DCDC2: variants seen among roughly 807,000 people sequenced by gnomAD.
DCDC2 encodes the protein doublecortin domain-containing protein 2.
In DCDC2, 40 loss-of-function variants were observed where a neutral mutation model predicts 50.2. The observed-to-expected ratio is 0.80, with a 90% CI of 0.62 to 1.04. The LOEUF is 1.04. Among genes scored for constraint, DCDC2 ranks in the 50% least tolerant of loss-of-function variants. DCDC2 has a pLI of 0.00. For synonymous variants in DCDC2, 234 were observed against 210.6 expected (o/e 1.11, Z -0.96); for missense variants, 570 against 581.9 (o/e 0.98, Z 0.21).
In DCDC2 at chr6:24,301,714, C is replaced by T. The variant is rs763299947; in HGVS notation, c.557+1G>A. 6.2e-7 allele frequency: 1 copy of T among 1,613,780 alleles called. No individual in the cohort carries two copies. Among genetic ancestry groups the T allele is most frequent in the Admixed American group, 1.7e-5 (1 of 59,912 alleles). On this transcript the variant is annotated splice_donor_variant, in intron 4 of 9. Coordinates refer to ENST00000378454, the MANE Select transcript of DCDC2 (RefSeq NM_016356.5). LOFTEE classifies it high-confidence loss of function. Reference sequence around the variant, plus strand: ...CCACTTACAAGATTGTTTTGACATACCTGTGAACAGCCCCGCTCCTCAGAG... The same window carrying T: ...CCACTTACAAGATTGTTTTGACATATCTGTGAACAGCCCCGCTCCTCAGAG...
At chr6:24,284,758 G>C (rs535633277) in intron 6 of DCDC2, among the ~76,000 whole-genome samples, 12 of 151,842 alleles carry the variant, frequency 7.9e-5, no homozygotes, top group South Asian at 6.3e-4. Flanking sequence ...TTTCATTCAC[G>C]GCCTTCTTTC....
At chr6:24,221,339 C>A in intron 7 of DCDC2, among the ~76,000 whole-genome samples, 1 of 152,162 alleles carries the variant, frequency 6.6e-6, no homozygotes, top group East Asian at 1.9e-4. Context: ...TGCTCACTTG[C>A]CTGTCCTCCT....
Position 24,302,044 on chromosome 6 carries a change from C to T in DCDC2, c.349G>A (p.Val117Ile), listed in dbSNP as rs781510673. ...KRPMEVVNTE[V>I]KPVIHSRINV... ...ATCCTGCTATGGATTACTGGTTTTA[C>T]CTTTAAAAGCAAAGGAAAAAAAATA... is the stretch of plus-strand genomic sequence containing the variant. Residue 117 changes from valine to isoleucine, a missense_variant and splice_region_variant, in exon 3 of 10, where the codon GTA becomes ATA. Transcript: ENST00000378454. 6.2e-5 allele frequency: 100 copies of T among 1,604,646 alleles called. No homozygotes were observed. The highest frequency in any genetic ancestry group is 5.1e-5 in the Non-Finnish European group (60 of 1,177,494).
intron 7 of DCDC2, among the ~76,000 whole-genome samples, chr6:24,232,351 T>G (rs1376736484): frequency 6.6e-6 from 1 of 152,200 alleles, no homozygotes; most frequent in Non-Finnish European, 1.5e-5. Flanking sequence ...CATTCTCTCG[T>G]TTAAATGAGC....
intron 2 of DCDC2, among the ~76,000 whole-genome samples, chr6:24,317,916 A>C (rs947871035): frequency 6.6e-6 from 1 of 152,046 alleles, no homozygotes; most frequent in East Asian, 1.9e-4. Flanking sequence ...CGAACTTGTA[A>C]CTAGAGAAAT....
At chr6:24,300,193 C>T (rs1333645984) in intron 4 of DCDC2, among the ~76,000 whole-genome samples, 3 of 151,548 alleles carry the variant, frequency 2.0e-5, no homozygotes, top group Non-Finnish European at 4.4e-5. Flanking sequence ...AGTTCAAGAC[C>T]AGCTTGGGCA....
At chr6:24,265,753 G>A (rs918454375) in intron 7 of DCDC2, among the ~76,000 whole-genome samples, 3 of 151,506 alleles carry the variant, frequency 2.0e-5, no homozygotes, top group Admixed American at 6.6e-5. Flanking sequence ...GGGATATAGC[G>A]AAGGCAGTAC....
chr6:24,336,277 T>G (rs1760055777), intron 2 of DCDC2, among the ~76,000 whole-genome samples: 1 of 152,230 alleles, frequency 6.6e-6, no homozygotes, highest in African/African-American at 2.4e-5. Context: ...ATATTTAACA[T>G]ATTTTCAAAA....
chr6:24,275,829 T>A (rs1041223788), intron 7 of DCDC2, among the ~76,000 whole-genome samples: 1 of 151,436 alleles, frequency 6.6e-6, no homozygotes, highest in Non-Finnish European at 1.5e-5. Flanking sequence ...TAAAAACTAC[T>A]GTGAATTTCT....
chr6:24,205,950 G>T (rs1424361256), intron 7 of DCDC2, among the ~76,000 whole-genome samples: 1 of 151,956 alleles, frequency 6.6e-6, no homozygotes, highest in Non-Finnish European at 1.5e-5. Flanking sequence ...CAGGGATGGC[G>T]ATTTTACCTC....
In DCDC2 at chr6:24,263,873, G is replaced by A. The variant is rs534840033; in HGVS notation, c.922+14176C>T. 1.1e-4 allele frequency among the ~76,000 whole-genome samples: 16 copies of A among 152,148 alleles called. No individual in the cohort carries two copies. The South Asian group carries it at 1.7e-3, about 16-fold the overall frequency. On this transcript the variant is annotated intron_variant, in intron 7 of 9. Coordinates refer to ENST00000378454, the MANE Select transcript of DCDC2 (RefSeq NM_016356.5). ...CTTAAAGAAAGATATCAATATTCAC[G>A]TACAAGAGGGTTATAGAACACCAAG...
intron 2 of DCDC2, among the ~76,000 whole-genome samples, chr6:24,308,819 A>G (rs1205007751): frequency 6.6e-6 from 1 of 152,210 alleles, no homozygotes; most frequent in African/African-American, 2.4e-5. Flanking sequence ...TTAGCAAATT[A>G]GACACAACAG....
chr6:24,330,700 A>C (rs963463652), intron 2 of DCDC2, among the ~76,000 whole-genome samples: 1 of 152,196 alleles, frequency 6.6e-6, no homozygotes, highest in African/African-American at 2.4e-5. Context: ...CTTAGAAAGG[A>C]AAGAGTGGGC....
intron 7 of DCDC2, among the ~76,000 whole-genome samples, chr6:24,213,055 C>G (rs1761905879): frequency 6.6e-6 from 1 of 152,010 alleles, no homozygotes; most frequent in Admixed American, 6.6e-5. Context: ...TAAAAGTTAC[C>G]CAATAATTAA....
rs71002483 is a variant in DCDC2 at position 24,291,477 on chromosome 6, C to CTTTT, written c.558-403_558-400dup. Reference sequence around the variant, plus strand: ...TTCTTCTATTTATATTTTGTTAATACTTTTTTTTTTTTTTTTTTTTTTTTT... The same window carrying CTTTT: ...TTCTTCTATTTATATTTTGTTAATACTTTTTTTTTTTTTTTTTTTTTTTTTTTTT... On this transcript the variant is annotated intron_variant, in intron 4 of 9. Coordinates refer to ENST00000378454, the MANE Select transcript of DCDC2 (RefSeq NM_016356.5). Among the ~76,000 whole-genome samples the CTTTT allele has an allele frequency of 2.0e-4, 17 of 86,608 alleles. No homozygotes were observed. In the East Asian group the frequency reaches 4.2e-3, roughly 21 times the overall value. 56.8% of individuals were successfully genotyped at this position (86,608 alleles called of 152,430 possible). A position where few individuals can be genotyped will look rare whatever the true frequency, so the allele number is the denominator to read the frequency against.
chr6:24,203,073 T>TA (rs367855189), intron 8 of DCDC2, among the ~76,000 whole-genome samples: 6 of 152,304 alleles, frequency 3.9e-5, no homozygotes, highest in African/African-American at 1.4e-4. Flanking sequence ...AAGTAAGGTA[T>TA]AGATTCAATG....
At chr6:24,184,996 T>C (rs1006160130) in intron 8 of DCDC2, among the ~76,000 whole-genome samples, 18 of 152,240 alleles carry the variant, frequency 1.2e-4, no homozygotes, top group Non-Finnish European at 2.4e-4. Flanking sequence ...TGCTGAAGTA[T>C]GTTAAGACAA....
At chr6:24,358,741 T>TTTTA (rs1554121603), upstream of DCDC2, among the ~76,000 whole-genome samples, 1 of 2,156 alleles carries the variant, frequency 4.6e-4, no homozygotes, top group Non-Finnish European at 5.0e-3. Context: ...TTTATATATA[T>TTTTA]TTTATTTATT....
chr6:24,347,519 T>C (rs1002741643), intron 2 of DCDC2, among the ~76,000 whole-genome samples: 5 of 152,190 alleles, frequency 3.3e-5, no homozygotes, highest in African/African-American at 1.2e-4. Flanking sequence ...ACAACAACTA[T>C]TTACATAGCA....
Sources: gnomAD v4.1 joint callset for allele counts (sites outside exome capture counted in the v4.1 genomes callset) on GRCh38, gnomAD v4.1.1 for gene constraint, MANE v1.5 for transcripts, NCBI Gene and HGNC (gene_info 2026-07-23, HGNC 2026-07-21) for gene names.